Variants in RGS6 observed in about 807,000 individuals in gnomAD.
The protein encoded by RGS6 is regulator of G protein signaling 6, also known as regulator of G-protein signaling 6.
RGS6 carries 30 observed loss-of-function variants against 78.5 expected under a neutral mutation model. The ratio of observed to expected loss-of-function variants is 0.38; its 90% CI spans 0.29 to 0.52. The LOEUF (loss-of-function observed/expected upper bound fraction) is 0.52. Ranked by LOEUF, RGS6 falls within the 20% of genes least tolerant of loss-of-function variation. The pLI, the probability that RGS6 is intolerant of heterozygous loss-of-function variation, is 0.85. For missense variants in RGS6, 495 were observed against 609.7 expected (o/e 0.81, Z 1.98); for synonymous variants, 206 against 206.0 (o/e 1.00, Z 0.00).
At chr14:72,261,191 C>T (rs2058089701) in intron 2 of RGS6, among the ~76,000 whole-genome samples, 1 of 152,216 alleles carries the variant, frequency 6.6e-6, no homozygotes, top group African/African-American at 2.4e-5. Context: ...CTGCCTTGCA[C>T]AGCTGACTTT....
At chr14:72,320,716 T>C (rs1222840438) in intron 2 of RGS6, among the ~76,000 whole-genome samples, 1 of 151,538 alleles carries the variant, frequency 6.6e-6, no homozygotes, top group Non-Finnish European at 1.5e-5. Context: ...TCTAAATAAG[T>C]GCAGAAACTT....
chr14:72,363,868 A>C (rs1192226541), intron 3 of RGS6, among the ~76,000 whole-genome samples: 1 of 152,024 alleles, frequency 6.6e-6, no homozygotes, highest in Non-Finnish European at 1.5e-5. Flanking sequence ...TGTGTGAAAG[A>C]CTCATGGAGA....
chr14:72,246,986 G>A (rs1241977206), intron 2 of RGS6, among the ~76,000 whole-genome samples: 1 of 152,048 alleles, frequency 6.6e-6, no homozygotes, highest in Non-Finnish European at 1.5e-5. Flanking sequence ...CTGGCTGTCA[G>A]ATATGCTGGG....
intron 2 of RGS6, among the ~76,000 whole-genome samples, chr14:72,049,310 C>CTT: frequency 6.6e-6 from 1 of 152,236 alleles, no homozygotes; most frequent in Middle Eastern, 3.4e-3. Flanking sequence ...AAACTGCCAC[C>CTT]TTTTGGAATA....
chr14:72,278,453 T>C (rs1042181361), intron 2 of RGS6, among the ~76,000 whole-genome samples: 11 of 152,130 alleles, frequency 7.2e-5, no homozygotes, highest in Non-Finnish European at 1.2e-4. Context: ...TTGTTTTTGC[T>C]CACCACACTG....
chr14:71,964,043 A>T (rs566965412), intron 1 of RGS6, among the ~76,000 whole-genome samples: 41 of 145,264 alleles, frequency 2.8e-4, no homozygotes, highest in African/African-American at 5.7e-4. Context: ...TTTTTTTTTT[A>T]AATTATAATA....
chr14:72,192,606 C>A (rs2097340905), intron 2 of RGS6, among the ~76,000 whole-genome samples: 1 of 152,216 alleles, frequency 6.6e-6, no homozygotes, highest in Non-Finnish European at 1.5e-5. Flanking sequence ...ATTTCTAGAC[C>A]TCCCCTCCTG....
rs527408143 is a variant in RGS6, at chr14:72,284,684, G to A, written c.85-67411G>A. Reference sequence around the variant, plus strand: ...GCCCCCACACAGAGTCCCCACAGGGGCACTGCCTAGGGAAGTTGTCAGAAG... The same window carrying A: ...GCCCCCACACAGAGTCCCCACAGGGACACTGCCTAGGGAAGTTGTCAGAAG... On this transcript the variant is annotated intron_variant, in intron 2 of 17. Coordinates refer to ENST00000553525, the MANE Select transcript of RGS6 (RefSeq NM_001204424.2). 3.3e-5 allele frequency among the ~76,000 whole-genome samples: 5 copies of A among 152,328 alleles called. No individual in the cohort carries two copies. In the South Asian group the frequency reaches 1.0e-3, roughly 32 times the overall value.
At chr14:72,345,079 T>C (rs1376834777) in intron 2 of RGS6, among the ~76,000 whole-genome samples, 3 of 152,182 alleles carry the variant, frequency 2.0e-5, no homozygotes, top group Non-Finnish European at 4.4e-5. Context: ...GGCCTGAGAC[T>C]TGAGCAGTGA....
chr14:72,586,830 C>T, the RGS6 span, among the ~76,000 whole-genome samples: 1 of 152,166 alleles, frequency 6.6e-6, no homozygotes, highest in Non-Finnish European at 1.5e-5. Flanking sequence ...CTAAATACTA[C>T]TTTGCAGGGC....
chr14:72,550,958 G>A (rs1403566801), intron 17 of RGS6, among the ~76,000 whole-genome samples: 2 of 152,072 alleles, frequency 1.3e-5, no homozygotes, highest in African/African-American at 4.8e-5. Context: ...TCCTGCCTCA[G>A]CCTCCTGAGT....
chr14:72,602,072 A>T, the RGS6 span, among the ~76,000 whole-genome samples: 1 of 152,180 alleles, frequency 6.6e-6, no homozygotes, highest in Admixed American at 6.5e-5. Context: ...CTTTACCCGC[A>T]TTGCCTCGTT....
chr14:72,443,517 A>G (rs1057001450), intron 3 of RGS6, among the ~76,000 whole-genome samples: 19 of 152,328 alleles, frequency 1.2e-4, no homozygotes, highest in African/African-American at 4.6e-4. Context: ...GTGAGTAACT[A>G]TGGCCTGCAG....
intron 2 of RGS6, among the ~76,000 whole-genome samples, chr14:72,129,873 A>C (rs1334342118): frequency 6.6e-6 from 1 of 152,092 alleles, no homozygotes; most frequent in Non-Finnish European, 1.5e-5. Context: ...ATGAGGCACC[A>C]CTGTTTTCCC....
At chr14:71,916,165 G>A in the RGS6 span, among the ~76,000 whole-genome samples, 1 of 152,204 alleles carries the variant, frequency 6.6e-6, no homozygotes. Flanking sequence ...TGTCCCCTCT[G>A]CTTTTGTGGT....
chr14:72,368,737 C>G (rs1247802412), intron 3 of RGS6, among the ~76,000 whole-genome samples: 2 of 152,164 alleles, frequency 1.3e-5, no homozygotes, highest in Admixed American at 1.3e-4. Context: ...TGTTACTCTT[C>G]TTCTGCTTCT....
At chr14:72,589,697 G>C in the RGS6 span, among the ~76,000 whole-genome samples, 1 of 152,092 alleles carries the variant, frequency 6.6e-6, no homozygotes. Flanking sequence ...TTTTGTGAAA[G>C]GATATGCATT....
the RGS6 span, chr14:72,629,782 G>T: frequency 1.4e-3 from 1,967 of 1,413,132 alleles, 4 homozygotes; most frequent in Admixed American, 2.3e-3. Context: ...AGTATGAACT[G>T]CCACCCCTCA....
chr14:72,386,539 AAATAATAAT>A (rs1335114983), intron 3 of RGS6, among the ~76,000 whole-genome samples: 1 of 152,202 alleles, frequency 6.6e-6, no homozygotes, highest in South Asian at 2.1e-4. Flanking sequence ...CTCCATCTCA[AAATAATAAT>A]AATAGTATTT....
Sources: gnomAD v4.1 joint callset for allele counts (sites outside exome capture counted in the v4.1 genomes callset) on GRCh38, gnomAD v4.1.1 for gene constraint, MANE v1.5 for transcripts, NCBI Gene and HGNC (gene_info 2026-07-23, HGNC 2026-07-21) for gene names.